Variants in WNT11 observed in about 807,000 individuals in gnomAD.
WNT11 encodes the protein protein Wnt-11.
A neutral mutation model predicts 35.6 loss-of-function variants in WNT11; 20 were observed. The observed-to-expected ratio is 0.56, with a 90% confidence interval of 0.40 to 0.82. The LOEUF (loss-of-function observed/expected upper bound fraction) is 0.82, where lower values mean the gene tolerates loss of function less well. Ranked by LOEUF, WNT11 falls within the 40% of genes least tolerant of loss-of-function variation. The pLI, the probability that WNT11 is intolerant of heterozygous loss-of-function variation, is 0.00. For missense variants in WNT11, 459 were observed against 504.4 expected (o/e 0.91, Z 0.86); for synonymous variants, 200 against 211.9 (o/e 0.94, Z 0.49).
chr11:76,198,858 G>A (rs1035839141), intron 1 of WNT11, among the ~76,000 whole-genome samples: 37 of 152,306 alleles, frequency 2.4e-4, no homozygotes, highest in East Asian at 1.9e-4. Context: ...AAGGCCAGGC[G>A]CGGTGGCTTA....
intron 3 of WNT11, among the ~76,000 whole-genome samples, chr11:76,192,438 C>G (rs1011544948): frequency 1.3e-5 from 2 of 152,194 alleles, no homozygotes; most frequent in East Asian, 1.9e-4. Context: ...CGCCGCCTGG[C>G]TGACTTTCCC....
At chr11:76,196,369 G>T in intron 2 of WNT11, 114 bp downstream of exon 2, 2 of 1,211,086 alleles carry the variant, frequency 1.7e-6, no homozygotes, top group Non-Finnish European at 2.4e-6. Flanking sequence ...ATTCATCCAT[G>T]AATCCATCAT....
chr11:76,208,490 C>G (rs1006560614), upstream of WNT11, among the ~76,000 whole-genome samples: 1 of 152,216 alleles, frequency 6.6e-6, no homozygotes, highest in South Asian at 2.1e-4. Context: ...GTTTCTTGCA[C>G]TTCTCAGAAC....
chr11:76,205,739 T>C (rs926105060), intron 1 of WNT11, among the ~76,000 whole-genome samples: 22 of 152,160 alleles, frequency 1.4e-4, no homozygotes, highest in African/African-American at 5.3e-4. Context: ...GAATAATTTC[T>C]ATCTAAAGGA....
Position 76,194,167 on chromosome 11 carries a change from G to A in WNT11, c.597+400C>T, listed in dbSNP as rs1953232472. ...TCTCCACGCCCTGGAGGGAGGGACA[G>A]CTTGAGGAACATGACAGATGGGGAC... On this transcript the variant is annotated intron_variant, in intron 3 of 4. Transcript: ENST00000322563. The surrounding 1 kb of genome is among the most constrained non-coding windows in gnomAD (Gnocchi z 5.4). Among the ~76,000 whole-genome samples, 1 of 151,964 alleles carries A rather than the reference G, an allele frequency of 6.6e-6. No individual in the cohort carries two copies. The highest frequency in any genetic ancestry group is 1.5e-5 in the Non-Finnish European group (1 of 68,024).
At chr11:76,206,644 G>C (rs982824042), upstream of WNT11, 1 of 887,164 alleles carries the variant, frequency 1.1e-6, no homozygotes, top group Non-Finnish European at 1.4e-6. Context: ...CGGGGGACGC[G>C]TCCCGCGCCT....
At chr11:76,199,529 T>G (rs577217466) in intron 1 of WNT11, among the ~76,000 whole-genome samples, 44 of 151,738 alleles carry the variant, frequency 2.9e-4, no homozygotes, top group African/African-American at 1.1e-3. Context: ...GCAAAGTGTT[T>G]AAAACATTCA....
intron 1 of WNT11, among the ~76,000 whole-genome samples, chr11:76,198,023 G>A (rs980498788): frequency 2.0e-5 from 3 of 152,312 alleles, no homozygotes; most frequent in Non-Finnish European, 2.9e-5. Context: ...TGAGTGCCCC[G>A]CCTGCTGTGG....
intron 3 of WNT11, among the ~76,000 whole-genome samples, chr11:76,192,249 T>C (rs908926045): frequency 6.6e-6 from 1 of 152,202 alleles, no homozygotes; most frequent in Admixed American, 6.5e-5. Flanking sequence ...TAGAAAATCA[T>C]GGAGCTTGAA....
chr11:76,210,357 G>A, upstream of WNT11: 1 of 898,020 alleles, frequency 1.1e-6, no homozygotes, highest in Non-Finnish European at 1.3e-6. Context: ...CCGGGAGTGG[G>A]TGCCCAAGGG....
chr11:76,196,547 G>A lies in WNT11; in HGVS notation c.255C>T (p.Ala85=), dbSNP rs138377364. ...TGGAGGAGCAGTTCCAGCGCATGTC[G>A]GCAAAGGCCCGGCGACAGGCCTTCA... ...EVMKACRRAF[A]DMRWNCSSIE... The change falls in exon 2 of 5, where the codon GCC becomes GCT. Residue 85 remains alanine (A), a synonymous_variant. Coordinates refer to ENST00000322563, the MANE Select transcript of WNT11 (RefSeq NM_004626.3). 271 of 1,613,618 alleles carry A rather than the reference G, an allele frequency of 1.7e-4. 4 individuals carry two copies. In the African/African-American group the frequency reaches 2.8e-3, roughly 17 times the overall value.
chr11:76,188,176 C>T (rs1325303212), intron 4 of WNT11, among the ~76,000 whole-genome samples: 1 of 152,258 alleles, frequency 6.6e-6, no homozygotes, highest in Non-Finnish European at 1.5e-5. Flanking sequence ...TGGCCATGTG[C>T]CTCCTGTGGG....
upstream of WNT11, among the ~76,000 whole-genome samples, chr11:76,208,257 A>C (rs1188191618): frequency 6.6e-6 from 1 of 152,212 alleles, no homozygotes; most frequent in African/African-American, 2.4e-5. Flanking sequence ...GGGAAGCCCC[A>C]CTGTTTTCTG....
rs1282076604 is a variant in WNT11, at chr11:76,206,435, A to C, written c.-28T>G. 1 of 1,460,412 alleles carries C rather than the reference A, an allele frequency of 6.8e-7. No individual in the cohort carries two copies. The highest frequency in any genetic ancestry group is 1.3e-5 in the South Asian group (1 of 74,564). The allele number at this position is 1,460,412 out of a possible 1,614,324, so 90.5% of individuals were successfully genotyped here. On this transcript the variant is annotated 5_prime_UTR_variant, in exon 1 of 5. Coordinates refer to ENST00000322563, the MANE Select transcript of WNT11 (RefSeq NM_004626.3). ...TCGCGCGGCGGGCGCGCCCGGGGTC[A>C]CACCCAGGAGGAGCCGCGCCGAAGT... is the stretch of plus-strand genomic sequence containing the variant.
Position 76,194,452 on chromosome 11 carries a change from G to A in WNT11, c.597+115C>T. 1 of 1,237,192 alleles carries A rather than the reference G, an allele frequency of 8.1e-7. No homozygotes were observed. The allele number at this position is 1,237,192 out of a possible 1,614,324, so 76.6% of individuals were successfully genotyped here. ...GGATGGTGCGAGGCACATCAGGTGT[G>A]GGCCAGTCAGGGCCCGTCCCCCCGC... On this transcript the variant is annotated intron_variant, in intron 3 of 4. Coordinates refer to ENST00000322563, the MANE Select transcript of WNT11 (RefSeq NM_004626.3). This position sits in a 1 kb window ranked among gnomAD's most constrained non-coding sequence, Gnocchi z 5.4.
intron 4 of WNT11, 103 bp from the exon 5 acceptor site, chr11:76,187,342 C>T (rs909138874): frequency 1.8e-5 from 20 of 1,102,806 alleles, no homozygotes; most frequent in African/African-American, 1.1e-4. Context: ...CCATGGCCAC[C>T]GACTCAGCCC....
chr11:76,199,654 T>A (rs1953344338), intron 1 of WNT11, among the ~76,000 whole-genome samples: 1 of 151,936 alleles, frequency 6.6e-6, no homozygotes, highest in Non-Finnish European at 1.5e-5. Context: ...ATACAAAAAA[T>A]TAGCTGGGCG....
upstream of WNT11, among the ~76,000 whole-genome samples, chr11:76,209,947 TC>T (rs1953536434): frequency 7.5e-6 from 1 of 133,982 alleles, no homozygotes; most frequent in African/African-American, 2.8e-5. Context: ...GTTCTCCCCC[TC>T]CCCCCGCCGC....
chr11:76,198,040 C>T (rs953598170), intron 1 of WNT11, among the ~76,000 whole-genome samples: 1 of 152,172 alleles, frequency 6.6e-6, no homozygotes, highest in Non-Finnish European at 1.5e-5. Flanking sequence ...GTGGACCCAG[C>T]GGTCCTCACC....
Sources: allele counts gnomAD v4.1 joint callset (sites outside exome capture counted in the v4.1 genomes callset), GRCh38; gene constraint gnomAD v4.1.1; non-coding constraint Gnocchi (gnomAD v3.1); transcripts MANE v1.5; gene names NCBI Gene and HGNC (gene_info 2026-07-23, HGNC 2026-07-21).